Variants in C6orf52 observed in about 807,000 individuals in gnomAD.
C6orf52 encodes the protein putative uncharacterized protein C6orf52.
In C6orf52, 16 loss-of-function variants were observed where a neutral mutation model predicts 16.6. The observed-to-expected ratio is 0.96, with a 90% CI of 0.65 to 1.46. C6orf52 has a LOEUF of 1.46. C6orf52 is among the 40% of genes most tolerant of loss of function. The probability of loss-of-function intolerance (pLI) is 0.00; values close to 1 mark genes in which losing one functional copy is unlikely to be tolerated. For synonymous variants in C6orf52, 53 were observed against 61.4 expected, an observed-to-expected ratio of 0.86 and a Z score of 0.64; for missense variants, 166 against 182.3, an observed-to-expected ratio of 0.91 and a Z score of 0.52.
intron 3 of C6orf52, among the ~76,000 whole-genome samples, chr6:10,686,340 G>A (rs1343416444): frequency 2.0e-5 from 3 of 152,274 alleles, no homozygotes; most frequent in East Asian, 1.9e-4. Flanking sequence ...TTTAGCAAGA[G>A]TACAGGAGAA....
intron 1 of C6orf52, among the ~76,000 whole-genome samples, chr6:10,688,238 C>G (rs114645426): frequency 6.6e-6 from 1 of 151,878 alleles, no homozygotes; most frequent in Non-Finnish European, 1.5e-5. Flanking sequence ...TCCCAAACTT[C>G]GATGTGCATT....
intron 4 of C6orf52, among the ~76,000 whole-genome samples, chr6:10,678,099 G>A (rs1768049428): frequency 2.0e-5 from 3 of 149,806 alleles, no homozygotes. Flanking sequence ...CAGGAGAATT[G>A]CTTGAACCCT....
chr6:10,691,806 T>C (rs894488258), intron 1 of C6orf52, among the ~76,000 whole-genome samples: 1 of 152,180 alleles, frequency 6.6e-6, no homozygotes, highest in African/African-American at 2.4e-5. Flanking sequence ...AGCTCTGTAA[T>C]TGGTTCCACT....
At chr6:10,675,617 T>C (rs1767807919) in intron 4 of C6orf52, among the ~76,000 whole-genome samples, 1 of 152,226 alleles carries the variant, frequency 6.6e-6, no homozygotes, top group Non-Finnish European at 1.5e-5. Context: ...TTTTTATAAC[T>C]GCTGTACCAA....
intron 4 of C6orf52, among the ~76,000 whole-genome samples, chr6:10,673,812 A>G (rs1767631306): frequency 6.6e-6 from 1 of 152,186 alleles, no homozygotes; most frequent in South Asian, 2.1e-4. Flanking sequence ...ATAGCCCTCA[A>G]AATAAGGGTC....
intron 3 of C6orf52, 50 bp downstream of exon 3, chr6:10,686,916 A>C (rs1364533738): frequency 1.6e-6 from 2 of 1,285,892 alleles, no homozygotes; most frequent in African/African-American, 3.0e-5. Context: ...AGTGATGTTT[A>C]CTATTATTGG....
At chr6:10,675,149 A>C (rs1356329332) in intron 4 of C6orf52, among the ~76,000 whole-genome samples, 1 of 152,062 alleles carries the variant, frequency 6.6e-6, no homozygotes. Context: ...TAGCTAACTG[A>C]AATTCTATCT....
At chr6:10,694,783 T>C, upstream of C6orf52, 2 of 535,264 alleles carry the variant, frequency 3.7e-6, no homozygotes, top group South Asian at 4.7e-5. Flanking sequence ...TTACTTATTC[T>C]CTTCTTGGAA....
At chr6:10,686,739 T>TA (rs1403281581) in intron 3 of C6orf52, among the ~76,000 whole-genome samples, 1 of 152,138 alleles carries the variant, frequency 6.6e-6, no homozygotes, top group East Asian at 1.9e-4. Flanking sequence ...ACTCAGCAAA[T>TA]CATATAAATT....
rs1335660939 is a variant in C6orf52, at chr6:10,687,067, A to T, written c.169T>A (p.Ser57Thr). The change falls in exon 3 of 5, where the codon TCT (serine) becomes ACT (threonine). Residue 57 changes from serine (S) to threonine (T), a missense_variant. By Grantham distance (58) the Ser-to-Thr change is moderately conservative (BLOSUM62 1). Transcript: ENST00000259983. ...ACTGCACAGCCATAGCTGTAGCCAG[A>T]AAGAAGGTAAGAGCCGTGCTGTCGC... ...YARQHGSYLLSGYSYGCAVDG... is the reference protein window; with the variant it reads ...YARQHGSYLLTGYSYGCAVDG... 9.7e-6 allele frequency: 15 copies of T among 1,551,872 alleles called. No individual in the cohort carries two copies. The highest frequency in any genetic ancestry group is 1.3e-5 in the Non-Finnish European group (15 of 1,147,014).
chr6:10,676,021 A>C (rs1767844567), intron 4 of C6orf52, among the ~76,000 whole-genome samples: 1 of 152,008 alleles, frequency 6.6e-6, no homozygotes, highest in African/African-American at 2.4e-5. Context: ...AATCCCAGCT[A>C]CTCAGGAGTC....
chr6:10,689,847 C>T (rs774522783), intron 1 of C6orf52, among the ~76,000 whole-genome samples: 8 of 152,192 alleles, frequency 5.3e-5, no homozygotes, highest in Non-Finnish European at 7.3e-5. Flanking sequence ...ACTGGCCTAC[C>T]GCTGGTTTAC....
At position 10,683,168 on chromosome 6, in the gene C6orf52, A is replaced by G. The variant is rs957259560; in HGVS notation, c.316+19T>C. On this transcript the variant is annotated intron_variant, in intron 4 of 4. Coordinates refer to ENST00000259983, the MANE Select transcript of C6orf52 (RefSeq NM_001145020.3). ...ATGGGGTTTTGTTTCCAACCACTTC[A>G]GCACAAGGTTTATGTTACCTTCTAG... 4.6e-6 allele frequency: 7 copies of G among 1,519,376 alleles called. No individual in the cohort carries two copies. Among genetic ancestry groups the G allele is most frequent in the African/African-American group, 4.2e-5 (3 of 71,864 alleles). The allele number at this position is 1,519,376 out of a possible 1,614,324, so 94.1% of individuals were successfully genotyped here.
At chr6:10,693,047 C>G (rs937715000) in intron 1 of C6orf52, among the ~76,000 whole-genome samples, 1 of 152,252 alleles carries the variant, frequency 6.6e-6, no homozygotes, top group Non-Finnish European at 1.5e-5. Context: ...TAACTTACTT[C>G]AAGCCTCCTT....
In C6orf52 at chr6:10,694,600, GCAA is replaced by G; in HGVS notation, c.-121_-119del. On this transcript the variant is annotated 5_prime_UTR_variant, in exon 1 of 5. Coordinates refer to ENST00000259983, the MANE Select transcript of C6orf52 (RefSeq NM_001145020.3). ...ACGCTGCCGGCGCTACAGCCCCTAA[GCAA>G]CCGGCCGGAAGTCGGCCCCACCTCC... 1 of 173,900 alleles carries G rather than the reference GCAA, an allele frequency of 5.8e-6. No individual in the cohort carries two copies. The highest frequency in any genetic ancestry group is 6.1e-5 in the Admixed American group (1 of 16,470). The allele number at this position is 173,900 out of a possible 1,614,324, so 10.8% of individuals were successfully genotyped here. A position where few individuals can be genotyped will look rare whatever the true frequency, so the allele number is the denominator to read the frequency against.
intron 3 of C6orf52, chr6:10,684,745 G>T: frequency 1.6e-6 from 1 of 617,986 alleles, no homozygotes; most frequent in Non-Finnish European, 2.6e-6. Context: ...ACAGCACATT[G>T]GGGGAAGCAG....
chr6:10,677,928 A>C (rs1270706785), intron 4 of C6orf52, among the ~76,000 whole-genome samples: 1 of 152,036 alleles, frequency 6.6e-6, no homozygotes. Context: ...CTGTAATCCC[A>C]GAACTTTGGG....
intron 1 of C6orf52, 25 bp from the exon 2 acceptor site, chr6:10,687,586 A>C (rs1351632808): frequency 7.0e-7 from 1 of 1,430,544 alleles, no homozygotes; most frequent in Non-Finnish European, 9.6e-7. Context: ...AGCAGAATCC[A>C]GTTTTTATTC....
chr6:10,691,318 AAGTG>A (rs1415328058), intron 1 of C6orf52, among the ~76,000 whole-genome samples: 2 of 152,180 alleles, frequency 1.3e-5, no homozygotes, highest in Non-Finnish European at 2.9e-5. Flanking sequence ...CAAGCTCCCC[AAGTG>A]AGTAATTCCT....
Sources: gnomAD v4.1 joint callset for allele counts (sites outside exome capture counted in the v4.1 genomes callset) on GRCh38, gnomAD v4.1.1 for gene constraint, MANE v1.5 for transcripts, NCBI Gene and HGNC (gene_info 2026-07-23, HGNC 2026-07-21) for gene names.